SSH2: variants seen among roughly 807,000 people sequenced by gnomAD.
SSH2 encodes the protein protein phosphatase Slingshot homolog 2.
SSH2 carries 37 observed loss-of-function variants against 135.2 expected under a neutral mutation model. That is an observed-to-expected ratio of 0.27 (90% CI 0.21 to 0.36). SSH2 has a LOEUF of 0.36. Among genes scored for constraint, SSH2 ranks in the 10% least tolerant of loss-of-function variants. The probability of loss-of-function intolerance (pLI) is 1.00; values close to 1 mark genes in which losing one functional copy is unlikely to be tolerated. For missense variants in SSH2, 1,408 were observed against 1,765.3 expected, an observed-to-expected ratio of 0.80 and a Z score of 3.63; for synonymous variants, 628 against 646.2, an observed-to-expected ratio of 0.97 and a Z score of 0.43.
At position 29,632,900 on chromosome 17, in the gene SSH2, A is replaced by G; in HGVS notation, c.2294T>C (p.Phe765Ser). 6.2e-7 allele frequency: 1 copy of G among 1,613,390 alleles called. No homozygotes were observed. Among genetic ancestry groups the G allele is most frequent in the Non-Finnish European group, 8.5e-7 (1 of 1,179,486 alleles). The change falls in exon 16 of 16, where the codon TTC becomes TCC. Residue 765 changes from phenylalanine to serine, a missense_variant. Physicochemically the swap from Phe to Ser is radical, Grantham distance 155. Around this residue, in one of 3 missense-constraint regions of SSH2, gnomAD observed 1,080 missense variants for 1,144.5 expected, o/e 0.94. Coordinates refer to ENST00000540801, the MANE Select transcript of SSH2 (RefSeq NM_001282129.2). ...TGCATTTTCCGAGTGAGACTGCATG[A>G]AGATGTCTGGGCTGACCAGTTCTGA... ...AISELVSPDI[F>S]MQSHSENAIS...
At chr17:29,784,967 A>G (rs952471887) in intron 3 of SSH2, among the ~76,000 whole-genome samples, 1 of 152,162 alleles carries the variant, frequency 6.6e-6, no homozygotes, top group Non-Finnish European at 1.5e-5. Context: ...ACTGAGGAAA[A>G]GACCAAATTT....
chr17:29,816,245 T>C (rs2042557494), intron 2 of SSH2, among the ~76,000 whole-genome samples: 1 of 152,224 alleles, frequency 6.6e-6, no homozygotes, highest in African/African-American at 2.4e-5. Context: ...TAAAGTTTAT[T>C]CTCAGAGCAT....
intron 3 of SSH2, among the ~76,000 whole-genome samples, chr17:29,763,391 A>C (rs892631123): frequency 2.0e-5 from 3 of 152,184 alleles, no homozygotes; most frequent in Non-Finnish European, 4.4e-5. Context: ...GTGTAAAAAA[A>C]AATCTGCTGA....
intron 14 of SSH2, chr17:29,643,439 T>G (rs2150986772): frequency 5.5e-6 from 1 of 182,304 alleles, no homozygotes; most frequent in African/African-American, 2.6e-5. Context: ...TGACACGGAG[T>G]CTCGCTCTGT....
rs894998374 is a variant in SSH2, at chr17:29,827,299, CT to C, written c.144+21549del. On this transcript the variant is annotated intron_variant, in intron 2 of 15. Coordinates refer to ENST00000540801, the MANE Select transcript of SSH2 (RefSeq NM_001282129.2). The stretch of plus-strand genomic sequence containing the variant: ...AAATGGCAACATGATTACCAGGCTT[CT>C]TACTAGTAAAAGGCTCAAAGAAGAT... Among the ~76,000 whole-genome samples the C allele has an allele frequency of 3.0e-4, 45 of 152,276 alleles. 1 individual carries two copies. Among genetic ancestry groups the C allele is most frequent in the African/African-American group, 1.1e-3 (44 of 41,572 alleles).
chr17:29,691,983 A>G (rs985181378), intron 5 of SSH2, among the ~76,000 whole-genome samples: 16 of 151,242 alleles, frequency 1.1e-4, no homozygotes, highest in African/African-American at 3.6e-4. Flanking sequence ...TACTACAAAT[A>G]CAAAAAATTA....
At chr17:29,666,720 G>A in intron 11 of SSH2, 147 bp downstream of exon 11, 1 of 695,108 alleles carries the variant, frequency 1.4e-6, no homozygotes, top group South Asian at 2.1e-5. Flanking sequence ...AAATAATTAG[G>A]AAGTGATGAG....
intron 1 of SSH2, 108 bp downstream of exon 1, chr17:29,929,830 C>T (rs1461900638): frequency 1.9e-5 from 20 of 1,061,546 alleles, no homozygotes; most frequent in Non-Finnish European, 2.8e-5. Flanking sequence ...AGTGCCAAGG[C>T]CTGGGAAGCG....
chr17:29,904,074 A>AAAG (rs1483221279), intron 1 of SSH2, among the ~76,000 whole-genome samples: 4 of 152,180 alleles, frequency 2.6e-5, no homozygotes, highest in African/African-American at 9.7e-5. Context: ...CCAGAGGTAC[A>AAAG]AAGAAGAGCT....
At chr17:29,800,019 G>A (rs2042222328) in intron 2 of SSH2, among the ~76,000 whole-genome samples, 1 of 152,148 alleles carries the variant, frequency 6.6e-6, no homozygotes, top group Admixed American at 6.6e-5. Flanking sequence ...AATATCCTTT[G>A]CATCTTTCCT....
chr17:29,730,611 G>A (rs1246391915), intron 3 of SSH2, among the ~76,000 whole-genome samples: 1 of 151,562 alleles, frequency 6.6e-6, no homozygotes, highest in Non-Finnish European at 1.5e-5. Flanking sequence ...AATTTTTTTG[G>A]TAATTTTTGT....
At chr17:29,890,904 C>T (rs140044374) in intron 1 of SSH2, among the ~76,000 whole-genome samples, 174 of 152,038 alleles carry the variant, frequency 1.1e-3, no homozygotes, top group African/African-American at 3.7e-3. Context: ...TACAGGCACA[C>T]GCCACCAGAC....
chr17:29,858,855 G>C lies in SSH2; in HGVS notation c.64-9926C>G, dbSNP rs1006488632. ...CCACTGCATTTTAGCCTAGATGGCAGAGCAAGACCCTGTCTCAAAAAAAAA... is the reference window on the plus strand; with the variant it reads ...CCACTGCATTTTAGCCTAGATGGCACAGCAAGACCCTGTCTCAAAAAAAAA... On this transcript the variant is annotated intron_variant, in intron 1 of 15. Transcript: ENST00000540801. 6.6e-5 allele frequency among the ~76,000 whole-genome samples: 10 copies of C among 152,118 alleles called. No homozygotes were observed. In the South Asian group the frequency reaches 1.7e-3, roughly 25 times the overall value.
At chr17:29,836,675 A>G (rs975180400) in intron 2 of SSH2, among the ~76,000 whole-genome samples, 2 of 152,244 alleles carry the variant, frequency 1.3e-5, no homozygotes, top group African/African-American at 4.8e-5. Context: ...TTTTAACAGC[A>G]AGTCATGGCC....
chr17:29,821,828 T>G (rs2042657425), intron 2 of SSH2, among the ~76,000 whole-genome samples: 1 of 152,272 alleles, frequency 6.6e-6, no homozygotes, highest in East Asian at 1.9e-4. Context: ...GTATTTTTAG[T>G]AGAGACGGGG....
intron 1 of SSH2, among the ~76,000 whole-genome samples, chr17:29,891,144 G>A (rs1216039270): frequency 1.3e-5 from 2 of 152,180 alleles, no homozygotes; most frequent in African/African-American, 4.8e-5. Context: ...TTTTGCTACA[G>A]TCAGTGTAAG....
At chr17:29,820,078 C>A (rs918003007) in intron 2 of SSH2, among the ~76,000 whole-genome samples, 1 of 152,000 alleles carries the variant, frequency 6.6e-6, no homozygotes, top group South Asian at 2.1e-4. Context: ...TTGTTGTTTG[C>A]CATTTTTTCT....
intron 3 of SSH2, among the ~76,000 whole-genome samples, chr17:29,758,708 C>T (rs2041203050): frequency 6.6e-6 from 1 of 152,100 alleles, no homozygotes; most frequent in Admixed American, 6.5e-5. Context: ...CAACTCCTTT[C>T]CCCCCAAAAA....
At chr17:29,762,505 C>A (rs1431679004) in intron 3 of SSH2, among the ~76,000 whole-genome samples, 1 of 152,158 alleles carries the variant, frequency 6.6e-6, no homozygotes, top group East Asian at 1.9e-4. Context: ...TTTACAGATA[C>A]AGTAACATTT....
Sources: gnomAD v4.1 joint callset for allele counts (sites outside exome capture counted in the v4.1 genomes callset) on GRCh38, gnomAD v4.1.1 for gene constraint, gnomAD v4.1.1 regional missense constraint, MANE v1.5 for transcripts, NCBI Gene and HGNC (gene_info 2026-07-23, HGNC 2026-07-21) for gene names.